RADIL: variants seen among roughly 807,000 people sequenced by gnomAD.
The protein encoded by RADIL is ras-associating and dilute domain-containing protein.
In RADIL, 99 loss-of-function variants were observed where a neutral mutation model predicts 97.6. The observed-to-expected ratio is 1.01, with a 90% CI of 0.86 to 1.20. The LOEUF (loss-of-function observed/expected upper bound fraction) is 1.20. Ranked by LOEUF, RADIL falls within the 50% of genes most tolerant of loss-of-function variation. The pLI, the probability that RADIL is intolerant of heterozygous loss-of-function variation, is 0.00. For synonymous variants in RADIL, 803 were observed against 691.8 expected, an observed-to-expected ratio of 1.16 and a Z score of -2.52; for missense variants, 1,765 against 1,498.9, an observed-to-expected ratio of 1.18 and a Z score of -2.93.
rs1170353316 is a variant in RADIL, at chr7:4,813,894, TGAGCCTCTTGG to T, written c.2139+1373_2139+1383del. Among the ~76,000 whole-genome samples the T allele has an allele frequency of 6.6e-6, 1 of 152,222 alleles. No homozygotes were observed. The highest frequency in any genetic ancestry group is 1.5e-5 in the Non-Finnish European group (1 of 68,030). On this transcript the variant is annotated intron_variant, in intron 9 of 14. Transcript: ENST00000399583. The surrounding 1 kb of genome is among the most constrained non-coding windows in gnomAD (Gnocchi z 5.0). ...AGAGGTACCTGGTGCCACCAATTCC[TGAGCCTCTTGG>T]TGGCTTCCTGTAAACTGGGTTGCTT... is the stretch of plus-strand genomic sequence containing the variant.
At chr7:4,865,767 GC>G (rs1229836648) in intron 2 of RADIL, 11 of 1,046,652 alleles carry the variant, frequency 1.1e-5, no homozygotes, top group African/African-American at 1.6e-5. Flanking sequence ...TATTTTTTTT[GC>G]CCCCCTTCAC....
rs1430125931 is a variant in RADIL, at chr7:4,879,823, G to A, written c.-64-1620C>T. 2.6e-5 allele frequency among the ~76,000 whole-genome samples: 4 copies of A among 152,108 alleles called. No individual in the cohort carries two copies. The highest frequency in any genetic ancestry group is 9.7e-5 in the African/African-American group (4 of 41,428). ...GAACTGGCCTCTTTCTAATATCACC[G>A]GGGCGTGGGTCATCTTCTCTGGAGC... On this transcript the variant is annotated intron_variant, in intron 1 of 14. Coordinates refer to ENST00000399583, the MANE Select transcript of RADIL (RefSeq NM_018059.5). This position sits in a 1 kb window ranked among gnomAD's most constrained non-coding sequence, Gnocchi z 4.1.
rs1370737697 is a variant in RADIL at position 4,799,075 on chromosome 7, C to T, written c.*303G>A. 2.7e-6 allele frequency: 1 copy of T among 375,376 alleles called. No homozygotes were observed. Among genetic ancestry groups the T allele is most frequent in the East Asian group, 6.2e-5 (1 of 16,222 alleles). 23.3% of individuals were successfully genotyped at this position (375,376 alleles called of 1,614,324 possible). On this transcript the variant is annotated 3_prime_UTR_variant, in exon 15 of 15. Coordinates refer to ENST00000399583, the MANE Select transcript of RADIL (RefSeq NM_018059.5). ...CCCTCCGAGCAGCCCACGCCTGCTGCCCGAGTTGAGACCCCAGCAGGGCAC... is the reference window on the plus strand; with the variant it reads ...CCCTCCGAGCAGCCCACGCCTGCTGTCCGAGTTGAGACCCCAGCAGGGCAC...
intron 4 of RADIL, among the ~76,000 whole-genome samples, chr7:4,833,863 C>T (rs1056937401): frequency 3.9e-5 from 6 of 152,124 alleles, no homozygotes; most frequent in Non-Finnish European, 7.3e-5. Flanking sequence ...TGCTCACTGG[C>T]GGCCACACTG....
rs1326964878 is a variant in RADIL at position 4,800,167 on chromosome 7, T to G, written c.2982+4A>C. On this transcript the variant is annotated splice_donor_region_variant and intron_variant, in intron 13 of 14. Coordinates refer to ENST00000399583, the MANE Select transcript of RADIL (RefSeq NM_018059.5). ...GGGTGCGGCGAGGGTCCTGGGCCAC[T>G]CACCATCCCGTCGATCAGGCCCATC... 1 of 1,604,134 alleles carries G rather than the reference T, an allele frequency of 6.2e-7. No individual in the cohort carries two copies. Among genetic ancestry groups the G allele is most frequent in the East Asian group, 2.2e-5 (1 of 44,714 alleles).
intron 9 of RADIL, chr7:4,809,380 GGGA>G: frequency 2.0e-6 from 2 of 985,418 alleles, no homozygotes; most frequent in Non-Finnish European, 2.4e-6. Flanking sequence ...GCTGAGCGGG[GGGA>G]GGCGGAGATC....
Position 4,825,250 on chromosome 7 carries a change from G to T in RADIL, c.1455-2696C>A, listed in dbSNP as rs545059499. ...GCAGCACGGCCCGGCAGGAGGAACG[G>T]GCGCAGCTGGCTGAGGCAGGCTGGT... On this transcript the variant is annotated intron_variant, in intron 5 of 14. Coordinates refer to ENST00000399583, the MANE Select transcript of RADIL (RefSeq NM_018059.5). Among the ~76,000 whole-genome samples the T allele has an allele frequency of 7.2e-5, 11 of 152,328 alleles. No homozygotes were observed. In the South Asian group the frequency reaches 2.3e-3, roughly 32 times the overall value.
intron 2 of RADIL, among the ~76,000 whole-genome samples, chr7:4,843,640 G>A (rs1441446502): frequency 6.6e-5 from 10 of 152,248 alleles, no homozygotes; most frequent in African/African-American, 2.2e-4. Flanking sequence ...GGCTGGGTGC[G>A]GTGGCTCATG....
intron 2 of RADIL, chr7:4,859,733 C>T (rs1472864015): frequency 5.0e-6 from 3 of 597,042 alleles, no homozygotes; most frequent in Non-Finnish European, 5.9e-6. Flanking sequence ...AACAGGGATA[C>T]CGGAAAGATC....
rs746913953 is a variant in RADIL at position 4,860,665 on chromosome 7, T to G, written c.535+16940A>C. 11 of 1,614,128 alleles carry G rather than the reference T, an allele frequency of 6.8e-6. No individual in the cohort carries two copies. In the South Asian group the frequency reaches 1.2e-4, roughly 18 times the overall value. Reference sequence around the variant, plus strand: ...ATTCTAAATGTTGTTTTTCTGTTGATGCACTTGCCAGAAGTACAATATAAT... The same window carrying G: ...ATTCTAAATGTTGTTTTTCTGTTGAGGCACTTGCCAGAAGTACAATATAAT... On this transcript the variant is annotated intron_variant, in intron 2 of 14. Transcript: ENST00000399583.
rs747026816 is a variant in RADIL, at chr7:4,799,077, C to T, written c.*301G>A. 4.0e-5 allele frequency: 15 copies of T among 377,522 alleles called. No individual in the cohort carries two copies. The highest frequency in any genetic ancestry group is 6.0e-5 in the Non-Finnish European group (12 of 200,706). 23.4% of individuals were successfully genotyped at this position (377,522 alleles called of 1,614,324 possible). The stretch of plus-strand genomic sequence containing the variant: ...CTCCGAGCAGCCCACGCCTGCTGCC[C>T]GAGTTGAGACCCCAGCAGGGCACCC... On this transcript the variant is annotated 3_prime_UTR_variant, in exon 15 of 15. Coordinates refer to ENST00000399583, the MANE Select transcript of RADIL (RefSeq NM_018059.5).
chr7:4,868,954 CTG>C (rs1187108858), intron 2 of RADIL, among the ~76,000 whole-genome samples: 1 of 152,154 alleles, frequency 6.6e-6, no homozygotes, highest in Non-Finnish European at 1.5e-5. Context: ...TGGTGAAACC[CTG>C]TCTTTACTAA....
In RADIL at chr7:4,867,661, T is replaced by G. The variant is rs1419397929; in HGVS notation, c.535+9944A>C. ...ATAAATAAATAAATAAATAATGTAA[T>G]GTGAGTTACAAAAGGAACAATGAGC... is the stretch of plus-strand genomic sequence containing the variant. On this transcript the variant is annotated intron_variant, in intron 2 of 14. Coordinates refer to ENST00000399583, the MANE Select transcript of RADIL (RefSeq NM_018059.5). The surrounding 1 kb of genome is among the most constrained non-coding windows in gnomAD (Gnocchi z 4.1). Among the ~76,000 whole-genome samples, 1 of 151,668 alleles carries G rather than the reference T, an allele frequency of 6.6e-6. No individual in the cohort carries two copies. Among genetic ancestry groups the G allele is most frequent in the Non-Finnish European group, 1.5e-5 (1 of 68,004 alleles).
At chr7:4,831,194 A>C (rs1407965352) in intron 5 of RADIL, among the ~76,000 whole-genome samples, 1 of 146,082 alleles carries the variant, frequency 6.8e-6, no homozygotes, top group African/African-American at 2.5e-5. Context: ...CCCATCTCAA[A>C]AAAAGAAAAA....
intron 2 of RADIL, among the ~76,000 whole-genome samples, chr7:4,844,299 G>A (rs1422194060): frequency 1.3e-5 from 2 of 151,824 alleles, no homozygotes; most frequent in Admixed American, 1.3e-4. Context: ...CAAAAAATTA[G>A]CTGAGTGTGG....
chr7:4,820,793 C>T (rs1035654819), intron 6 of RADIL, among the ~76,000 whole-genome samples: 5 of 152,142 alleles, frequency 3.3e-5, no homozygotes, highest in East Asian at 1.9e-4. Context: ...GCCCGGCCCC[C>T]GCCCGGAGGC....
chr7:4,864,234 C>A (rs578025400), intron 2 of RADIL, among the ~76,000 whole-genome samples: 20 of 152,306 alleles, frequency 1.3e-4, no homozygotes, highest in African/African-American at 4.8e-4. Flanking sequence ...GTAGCTTCAT[C>A]TTGGCCTCTG....
intron 10 of RADIL, chr7:4,805,123 C>G (rs1463772205): frequency 6.1e-6 from 1 of 162,762 alleles, no homozygotes; most frequent in African/African-American, 2.4e-5. Flanking sequence ...AAACGCACCC[C>G]TATGTATGCA....
Position 4,867,246 on chromosome 7 carries a change from C to T in RADIL, c.535+10359G>A, listed in dbSNP as rs1353632086. 6.6e-6 allele frequency among the ~76,000 whole-genome samples: 1 copy of T among 152,132 alleles called. No homozygotes were observed. Among genetic ancestry groups the T allele is most frequent in the East Asian group, 1.9e-4 (1 of 5,184 alleles). The stretch of plus-strand genomic sequence containing the variant: ...GGAAGCTGCTGTCCAGCCATGCTCA[C>T]CAGGAAATGACATGCACATATGCTC... On this transcript the variant is annotated intron_variant, in intron 2 of 14. Transcript: ENST00000399583. This position sits in a 1 kb window ranked among gnomAD's most constrained non-coding sequence, Gnocchi z 4.1.
Sources: gnomAD v4.1 joint callset for allele counts (sites outside exome capture counted in the v4.1 genomes callset) on GRCh38, gnomAD v4.1.1 for gene constraint, Gnocchi (gnomAD v3.1) non-coding constraint, MANE v1.5 for transcripts, NCBI Gene and HGNC (gene_info 2026-07-23, HGNC 2026-07-21) for gene names.